The following DNAJC5 variants were observed in gnomAD, a reference collection of about 807,000 sequenced individuals.
DNAJC5 encodes the protein DnaJ heat shock protein family (Hsp40) member C5.
DNAJC5 carries 1 observed loss-of-function variant against 23.2 expected under a neutral mutation model. The observed-to-expected ratio is 0.04, with a 90% CI of 0.02 to 0.20. The LOEUF (loss-of-function observed/expected upper bound fraction) is 0.20. Among genes scored for constraint, DNAJC5 ranks in the 10% least tolerant of loss-of-function variants. DNAJC5 has a pLI of 1.00. For missense variants in DNAJC5, 180 were observed against 267.0 expected, an observed-to-expected ratio of 0.67 and a Z score of 2.27; for synonymous variants, 136 against 120.0, an observed-to-expected ratio of 1.13 and a Z score of -0.87.
rs1181501347 is a variant in DNAJC5 at position 63,930,984 on chromosome 20, C to G, written c.455C>G (p.Pro152Arg). ...GAGGAGACGGAGTTCTACGTGTCCC[C>G]CGAGGATCTGGAGGCACAGCTGCAG... is the stretch of plus-strand genomic sequence containing the variant. ...EGEETEFYVSPEDLEAQLQSD... is the reference protein window; with the variant it reads ...EGEETEFYVSREDLEAQLQSD... Residue 152 changes from proline to arginine, a missense_variant, in exon 4 of 5, where the codon CCC becomes CGC. Pro to Arg is a moderately radical substitution (Grantham distance 103). Transcript: ENST00000360864. 1 of 1,614,134 alleles carries G rather than the reference C, an allele frequency of 6.2e-7. No homozygotes were observed. The highest frequency in any genetic ancestry group is 8.5e-7 in the Non-Finnish European group (1 of 1,180,052).
At chr20:63,914,753 TTACAGGCACC>T (rs2053505358) in intron 1 of DNAJC5, among the ~76,000 whole-genome samples, 1 of 151,864 alleles carries the variant, frequency 6.6e-6, no homozygotes, top group Admixed American at 6.6e-5. Flanking sequence ...GTAGCTGGGA[TTACAGGCACC>T]TGCCACCACG....
intron 1 of DNAJC5, among the ~76,000 whole-genome samples, chr20:63,926,454 G>C (rs1293224592): frequency 6.6e-6 from 1 of 152,212 alleles, no homozygotes; most frequent in Non-Finnish European, 1.5e-5. Context: ...GTAGCTTCCT[G>C]AGGCGGAGCC....
intron 3 of DNAJC5, among the ~76,000 whole-genome samples, chr20:63,930,438 C>T (rs2053659059): frequency 6.6e-6 from 1 of 152,216 alleles, no homozygotes; most frequent in Non-Finnish European, 1.5e-5. Context: ...AGCTCCACCT[C>T]CCGGGTTCAC....
chr20:63,913,558 GGC>G (rs996821049), intron 1 of DNAJC5, among the ~76,000 whole-genome samples: 1 of 151,488 alleles, frequency 6.6e-6, no homozygotes, highest in African/African-American at 2.4e-5. Context: ...TACCATACCT[GGC>G]TGATTTTTGT....
At position 63,929,830 on chromosome 20, in the gene DNAJC5, A is replaced by C. The variant is rs1189587888; in HGVS notation, c.321+305A>C. Among the ~76,000 whole-genome samples, 5 of 152,224 alleles carry C rather than the reference A, an allele frequency of 3.3e-5. No homozygotes were observed. Among genetic ancestry groups the C allele is most frequent in the Admixed American group, 3.3e-4 (5 of 15,284 alleles). On this transcript the variant is annotated intron_variant, in intron 3 of 4. Transcript: ENST00000360864. This position sits in a 1 kb window ranked among gnomAD's most constrained non-coding sequence, Gnocchi z 8.6. ...CCCATGCGTTGATGCCAGCAACTCT[A>C]CACTCCTGAGAAAAGGCTTCTGGGC...
rs2053557750 is a variant in DNAJC5, at chr20:63,920,318, T to C, written c.-11-8017T>C. Among the ~76,000 whole-genome samples, 1 of 152,212 alleles carries C rather than the reference T, an allele frequency of 6.6e-6. No individual in the cohort carries two copies. The highest frequency in any genetic ancestry group is 6.5e-5 in the Admixed American group (1 of 15,292). On this transcript the variant is annotated intron_variant, in intron 1 of 4. Transcript: ENST00000360864. The surrounding 1 kb of genome is among the most constrained non-coding windows in gnomAD (Gnocchi z 4.6). ...GTGGGACCCGGCACTCTGTGCTCTGTGTCTGCCCGGGAACAGGTAGTCCTG... is the reference window on the plus strand; with the variant it reads ...GTGGGACCCGGCACTCTGTGCTCTGCGTCTGCCCGGGAACAGGTAGTCCTG...
chr20:63,916,222 C>A (rs2427550), intron 1 of DNAJC5, among the ~76,000 whole-genome samples: 52,310 of 152,108 alleles, frequency 0.34, 10,736 homozygotes, highest in East Asian at 0.81. Context: ...TGCTAGGATT[C>A]CGGGCATGAG....
intron 3 of DNAJC5, 79 bp from the exon 4 acceptor site, chr20:63,930,772 C>CT: frequency 6.2e-7 from 1 of 1,605,626 alleles, no homozygotes; most frequent in Non-Finnish European, 8.5e-7. Flanking sequence ...CTGCCTTCTG[C>CT]TGAGGGCATT....
Position 63,930,846 on chromosome 20 carries a change from C to A in DNAJC5, c.322-5C>A, listed in dbSNP as rs373568941. 6.8e-6 allele frequency: 11 copies of A among 1,612,298 alleles called. No individual in the cohort carries two copies. The highest frequency in any genetic ancestry group is 2.7e-5 in the African/African-American group (2 of 74,892). ...CCATGCAACACCACCTTCTTCTCCC[C>A]CCAGGCCCTGTTTGTCTTCTGCGGC... On this transcript the variant is annotated splice_region_variant and splice_polypyrimidine_tract_variant and intron_variant, in intron 3 of 4. Coordinates refer to ENST00000360864, the MANE Select transcript of DNAJC5 (RefSeq NM_025219.3).
chr20:63,931,821 A>G lies in DNAJC5; in HGVS notation c.*253A>G. On this transcript the variant is annotated 3_prime_UTR_variant, in exon 5 of 5. Coordinates refer to ENST00000360864, the MANE Select transcript of DNAJC5 (RefSeq NM_025219.3). The surrounding 1 kb of genome is among the most constrained non-coding windows in gnomAD (Gnocchi z 9.6). The stretch of plus-strand genomic sequence containing the variant: ...AATAGCATGTATGGGGTTCTGTTCC[A>G]TGTCTGTGTTGTGGACATTCCGCGG... The G allele has an allele frequency of 1.8e-6, 1 of 544,864 alleles. No individual in the cohort carries two copies. Among genetic ancestry groups the G allele is most frequent in the Admixed American group, 3.0e-5 (1 of 33,748 alleles). 33.8% of individuals were successfully genotyped at this position (544,864 alleles called of 1,614,324 possible). A position where few individuals can be genotyped will look rare whatever the true frequency, so the allele number is the denominator to read the frequency against.
chr20:63,905,681 T>G (rs1173191998), intron 1 of DNAJC5, among the ~76,000 whole-genome samples: 1 of 151,650 alleles, frequency 6.6e-6, no homozygotes, highest in East Asian at 1.9e-4. Flanking sequence ...GCAATTCTCC[T>G]GCCTCAGCCT....
rs2053364501 is a variant in DNAJC5, at chr20:63,895,174, G to GGTGCCGCACCCGCGCCCT, written c.-160_-143dup. On this transcript the variant is annotated 5_prime_UTR_variant, in exon 1 of 5. Transcript: ENST00000360864. ...CGCTGCCGCTGCCGCTGCCGCTGCC[G>GGTGCCGCACCCGCGCCCT]GTGCCGCACCCGCGCCCTCTGCCGC... 2 of 153,956 alleles carry GGTGCCGCACCCGCGCCCT rather than the reference G, an allele frequency of 1.3e-5. No homozygotes were observed. Among genetic ancestry groups the GGTGCCGCACCCGCGCCCT allele is most frequent in the South Asian group, 3.5e-4 (2 of 5,720 alleles). The allele number at this position is 153,956 out of a possible 1,614,324, so 9.5% of individuals were successfully genotyped here. A position where few individuals can be genotyped will look rare whatever the true frequency, so the allele number is the denominator to read the frequency against.
At chr20:63,895,889 A>G (rs533880256) in intron 1 of DNAJC5, among the ~76,000 whole-genome samples, 19 of 152,358 alleles carry the variant, frequency 1.2e-4, no homozygotes, top group South Asian at 1.0e-3. Context: ...ATTTGAAGCC[A>G]TGCTTTATAT....
At chr20:63,916,917 C>G (rs995297220) in intron 1 of DNAJC5, among the ~76,000 whole-genome samples, 3 of 152,178 alleles carry the variant, frequency 2.0e-5, no homozygotes, top group African/African-American at 4.8e-5. Flanking sequence ...GGCAGTCAGA[C>G]CTTATGGTTG....
intron 1 of DNAJC5, among the ~76,000 whole-genome samples, chr20:63,916,775 A>T (rs2053518012): frequency 6.6e-6 from 1 of 152,156 alleles, no homozygotes. Flanking sequence ...ACCTCCCCCC[A>T]GGAATGCATT....
intron 1 of DNAJC5, among the ~76,000 whole-genome samples, chr20:63,907,925 G>A (rs6090017): frequency 0.082 from 12,500 of 152,086 alleles, 627 homozygotes; most frequent in African/African-American, 0.093. Flanking sequence ...GCACCATCAC[G>A]CCTGGCTAAT....
At chr20:63,930,717 C>G (rs1384928360) in intron 3 of DNAJC5, 134 bp from the exon 4 acceptor site, 4 of 1,402,684 alleles carry the variant, frequency 2.9e-6, no homozygotes, top group Non-Finnish European at 4.0e-6. Context: ...TTCTTTCCTT[C>G]TGCTTCCTGT....
intron 1 of DNAJC5, among the ~76,000 whole-genome samples, chr20:63,911,398 C>T (rs926396022): frequency 1.3e-5 from 2 of 152,150 alleles, no homozygotes; most frequent in African/African-American, 4.8e-5. Flanking sequence ...CTGTGGCACT[C>T]TGTGTGTGAG....
At chr20:63,901,837 G>A (rs817373) in intron 1 of DNAJC5, among the ~76,000 whole-genome samples, 68,770 of 152,044 alleles carry the variant, frequency 0.45, 18,182 homozygotes, top group East Asian at 0.94. Context: ...TCTGGGTCCA[G>A]GAGTACAGAC....
Sources: gnomAD v4.1 joint callset for allele counts (sites outside exome capture counted in the v4.1 genomes callset) on GRCh38, gnomAD v4.1.1 for gene constraint, Gnocchi (gnomAD v3.1) non-coding constraint, MANE v1.5 for transcripts, NCBI Gene and HGNC (gene_info 2026-07-23, HGNC 2026-07-21) for gene names.